The following NTM variants were observed in gnomAD, a reference collection of about 807,000 sequenced individuals.
NTM encodes the protein IgLON family member 2.
In NTM, 13 loss-of-function variants were observed where a neutral mutation model predicts 42.1. That is an observed-to-expected ratio of 0.31 (90% CI 0.20 to 0.49). NTM has a LOEUF of 0.49. Among genes scored for constraint, NTM ranks in the 20% least tolerant of loss-of-function variants. NTM has a pLI of 0.99. For synonymous variants in NTM, 187 were observed against 179.2 expected (o/e 1.04, Z -0.35); for missense variants, 373 against 452.8 (o/e 0.82, Z 1.60).
At chr11:132,307,014 C>T (rs1429021749) in intron 4 of NTM, among the ~76,000 whole-genome samples, 9 of 152,122 alleles carry the variant, frequency 5.9e-5, no homozygotes, top group African/African-American at 1.2e-4. Flanking sequence ...GCAGCCACGT[C>T]GCCTGATGAA....
At chr11:132,091,446 T>C (rs2060363030) in intron 2 of NTM, among the ~76,000 whole-genome samples, 1 of 152,076 alleles carries the variant, frequency 6.6e-6, no homozygotes, top group African/African-American at 2.4e-5. Flanking sequence ...AATTATCTTT[T>C]CATAGTTGAC....
intron 1 of NTM, among the ~76,000 whole-genome samples, chr11:131,522,218 C>T (rs1260172368): frequency 4.6e-5 from 7 of 152,066 alleles, no homozygotes; most frequent in African/African-American, 1.7e-4. Flanking sequence ...GTTCAAATTT[C>T]CTTGGGACCA....
chr11:131,744,781 C>T (rs1405447035), intron 1 of NTM, among the ~76,000 whole-genome samples: 1 of 152,188 alleles, frequency 6.6e-6, no homozygotes, highest in Non-Finnish European at 1.5e-5. Flanking sequence ...ATGGAACTAA[C>T]TGGACTCTCC....
At chr11:131,590,650 T>C (rs1360555162) in intron 1 of NTM, among the ~76,000 whole-genome samples, 2 of 152,204 alleles carry the variant, frequency 1.3e-5, no homozygotes, top group African/African-American at 2.4e-5. Context: ...TTTGAATGCT[T>C]GCTCACGGCC....
intron 1 of NTM, among the ~76,000 whole-genome samples, chr11:131,736,590 A>G (rs1055163919): frequency 2.6e-5 from 4 of 152,114 alleles, no homozygotes; most frequent in Middle Eastern, 3.2e-3. Flanking sequence ...TTGACACTTC[A>G]TCAGCTGGAG....
At chr11:132,140,224 G>A (rs780308093) in intron 2 of NTM, among the ~76,000 whole-genome samples, 3 of 152,092 alleles carry the variant, frequency 2.0e-5, no homozygotes, top group Non-Finnish European at 4.4e-5. Context: ...TATTCTCTTT[G>A]CTCTCCCGGA....
intron 1 of NTM, among the ~76,000 whole-genome samples, chr11:131,376,141 G>A (rs1337298489): frequency 6.6e-6 from 1 of 152,176 alleles, no homozygotes; most frequent in East Asian, 1.9e-4. Context: ...TTCACAAGGA[G>A]CCCAGCTGAT....
At chr11:131,938,682 G>A (rs1460875035) in intron 2 of NTM, among the ~76,000 whole-genome samples, 1 of 152,224 alleles carries the variant, frequency 6.6e-6, no homozygotes, top group Non-Finnish European at 1.5e-5. Flanking sequence ...CTGTTCCGGA[G>A]CTTCCTGTGG....
intron 1 of NTM, among the ~76,000 whole-genome samples, chr11:131,502,499 G>A (rs577727568): frequency 3.1e-4 from 47 of 152,104 alleles, no homozygotes; most frequent in Middle Eastern, 3.2e-3. Context: ...AGGCTGAGGG[G>A]AGGCAGGAGC....
intron 1 of NTM, chr11:131,539,281 A>G (rs2052803648): frequency 6.6e-6 from 1 of 152,250 alleles, no homozygotes; most frequent in South Asian, 2.1e-4. Context: ...TTCCTTCTGG[A>G]AGAATTTCAG....
chr11:132,061,947 GATCAGATAGGGGGT>G (rs1237434513), intron 2 of NTM, among the ~76,000 whole-genome samples: 1 of 152,094 alleles, frequency 6.6e-6, no homozygotes, highest in East Asian at 1.9e-4. Context: ...TGTGTGTGTG[GATCAGATAGGGGGT>G]ATCATTTGCT....
intron 1 of NTM, among the ~76,000 whole-genome samples, chr11:131,890,176 CTG>C (rs1257126786): frequency 2.4e-5 from 3 of 124,004 alleles, no homozygotes; most frequent in African/African-American, 8.5e-5. Context: ...CTCTCTCTCT[CTG>C]TCTCTCTCTC....
intron 2 of NTM, among the ~76,000 whole-genome samples, chr11:131,985,140 A>G (rs532647574): frequency 2.0e-5 from 3 of 152,266 alleles, no homozygotes; most frequent in African/African-American, 7.2e-5. Context: ...ATCGGTGTAA[A>G]CAAAGAGGAG....
intron 1 of NTM, among the ~76,000 whole-genome samples, chr11:131,452,554 G>C (rs1411119411): frequency 6.6e-6 from 1 of 152,228 alleles, no homozygotes; most frequent in African/African-American, 2.4e-5. Flanking sequence ...TTGCCATCTT[G>C]TAAAGCTATG....
intron 2 of NTM, among the ~76,000 whole-genome samples, chr11:131,968,956 A>T (rs1465964833): frequency 6.6e-6 from 1 of 152,150 alleles, no homozygotes; most frequent in African/African-American, 2.4e-5. Context: ...AGGCAAGGGG[A>T]TGCTACCTCT....
intron 2 of NTM, among the ~76,000 whole-genome samples, chr11:132,020,777 C>T (rs1403194981): frequency 6.6e-6 from 1 of 152,028 alleles, no homozygotes; most frequent in Non-Finnish European, 1.5e-5. Flanking sequence ...CAGTGTTCCC[C>T]TATAATTTTT....
At chr11:131,765,690 C>T (rs1434618659) in intron 1 of NTM, among the ~76,000 whole-genome samples, 1 of 152,186 alleles carries the variant, frequency 6.6e-6, no homozygotes, top group Non-Finnish European at 1.5e-5. Context: ...TGAGGCCAGG[C>T]ACCGGGCCCG....
At chr11:131,924,435 G>GT (rs546442230) in intron 2 of NTM, among the ~76,000 whole-genome samples, 117 of 152,234 alleles carry the variant, frequency 7.7e-4, no homozygotes, top group Middle Eastern at 3.4e-3. Context: ...TCATATATAA[G>GT]TTTTTTTATT....
intron 1 of NTM, among the ~76,000 whole-genome samples, chr11:131,403,628 C>T (rs189121270): frequency 3.4e-4 from 52 of 152,308 alleles, no homozygotes; most frequent in African/African-American, 1.1e-3. Context: ...AGGAATCCCA[C>T]TATGCACTCT....
Sources: gnomAD v4.1 joint callset for allele counts (sites outside exome capture counted in the v4.1 genomes callset) on GRCh38, gnomAD v4.1.1 for gene constraint, MANE v1.5 for transcripts, NCBI Gene and HGNC (gene_info 2026-07-23, HGNC 2026-07-21) for gene names.